MCC: variants seen among roughly 807,000 people sequenced by gnomAD.
MCC encodes colorectal mutant cancer protein.
MCC carries 90 observed loss-of-function variants against 116.2 expected under a neutral mutation model. That is an observed-to-expected ratio of 0.77 (90% CI 0.65 to 0.92). The LOEUF is 0.92. Ranked by LOEUF, MCC falls within the 40% of genes least tolerant of loss-of-function variation. MCC has a pLI of 0.00. For synonymous variants in MCC, 578 were observed against 510.5 expected (o/e 1.13, Z -1.78); for missense variants, 1,516 against 1,312.2 (o/e 1.16, Z -2.40).
At chr5:113,075,822 C>T (rs1396065754) in intron 11 of MCC, among the ~76,000 whole-genome samples, 1 of 152,162 alleles carries the variant, frequency 6.6e-6, no homozygotes, top group Non-Finnish European at 1.5e-5. Context: ...CTCTTTGGGT[C>T]CGCGCCACCT....
chr5:113,150,766 C>T (rs1418333458), intron 4 of MCC, among the ~76,000 whole-genome samples: 2 of 151,938 alleles, frequency 1.3e-5, no homozygotes, highest in African/African-American at 4.8e-5. Flanking sequence ...TTAATATTAA[C>T]AAGATAATTA....
At chr5:113,422,411 T>G (rs914990211) in intron 1 of MCC, among the ~76,000 whole-genome samples, 1 of 151,192 alleles carries the variant, frequency 6.6e-6, no homozygotes, top group African/African-American at 2.4e-5. Flanking sequence ...GTTTACAAGC[T>G]TCTATGATTT....
intron 1 of MCC, among the ~76,000 whole-genome samples, chr5:113,413,278 GTCC>G (rs1280731575): frequency 3.9e-4 from 59 of 152,316 alleles, no homozygotes; most frequent in Admixed American, 1.6e-3. Context: ...GAATGATGCT[GTCC>G]TCATAAAATG....
chr5:113,320,174 A>G (rs909692328), intron 3 of MCC, among the ~76,000 whole-genome samples: 5 of 152,180 alleles, frequency 3.3e-5, no homozygotes, highest in African/African-American at 1.2e-4. Flanking sequence ...CAAAAATTCA[A>G]CCAGTATCCT....
At chr5:113,041,073 C>A (rs1164895190) in intron 17 of MCC, among the ~76,000 whole-genome samples, 2 of 152,186 alleles carry the variant, frequency 1.3e-5, no homozygotes, top group Non-Finnish European at 2.9e-5. Context: ...TTTCTCTTCC[C>A]GCCCCAAGCA....
chr5:113,449,331 C>T (rs1468155649), intron 1 of MCC, among the ~76,000 whole-genome samples: 3 of 152,074 alleles, frequency 2.0e-5, no homozygotes, highest in African/African-American at 7.2e-5. Context: ...AAAAGGTCTT[C>T]CTGTATATAT....
At chr5:113,118,616 T>A (rs1005279224) in intron 6 of MCC, among the ~76,000 whole-genome samples, 27 of 152,310 alleles carry the variant, frequency 1.8e-4, no homozygotes, top group African/African-American at 6.5e-4. Context: ...CTGCAGCAAA[T>A]TCTGCAGCTC....
intron 3 of MCC, among the ~76,000 whole-genome samples, chr5:113,287,234 AC>A (rs1766298395): frequency 6.8e-6 from 1 of 146,502 alleles, no homozygotes; most frequent in South Asian, 2.1e-4. Context: ...GCCAACACAA[AC>A]CCCTCCTCTC....
chr5:113,416,261 C>T (rs1770144105), intron 1 of MCC, among the ~76,000 whole-genome samples: 1 of 152,174 alleles, frequency 6.6e-6, no homozygotes, highest in Admixed American at 6.5e-5. Flanking sequence ...TTCATTTAAA[C>T]AATGTTGGAG....
intron 3 of MCC, among the ~76,000 whole-genome samples, chr5:113,180,095 G>A (rs1023267586): frequency 3.9e-5 from 6 of 152,068 alleles, no homozygotes; most frequent in East Asian, 3.9e-4. Context: ...CTCCTCCCCC[G>A]ATTTTAGGAA....
chr5:113,290,868 TA>T (rs200935005), intron 3 of MCC, among the ~76,000 whole-genome samples: 11 of 151,490 alleles, frequency 7.3e-5, no homozygotes, highest in African/African-American at 2.2e-4. Flanking sequence ...ATCTCAATTT[TA>T]AAAAAAAATC....
chr5:113,205,877 A>G (rs1222152202), intron 3 of MCC, among the ~76,000 whole-genome samples: 1 of 152,202 alleles, frequency 6.6e-6, no homozygotes, highest in Non-Finnish European at 1.5e-5. Flanking sequence ...CGCAGTGCAT[A>G]GACCAGCTTT....
chr5:113,431,172 G>A (rs1381338820), intron 1 of MCC, among the ~76,000 whole-genome samples: 1 of 152,106 alleles, frequency 6.6e-6, no homozygotes, highest in Non-Finnish European at 1.5e-5. Flanking sequence ...TTATGGGAGA[G>A]AGTTGAGAAG....
chr5:113,294,182 A>G (rs1467376912), intron 3 of MCC: 2 of 993,718 alleles, frequency 2.0e-6, no homozygotes, highest in South Asian at 3.5e-5. Flanking sequence ...CAAGATCCAG[A>G]AAATCTACTA....
chr5:113,399,509 G>C (rs550154060), intron 1 of MCC, among the ~76,000 whole-genome samples: 1 of 151,858 alleles, frequency 6.6e-6, no homozygotes. Context: ...ATAAATAAAA[G>C]TCAGTTATTA....
chr5:113,282,550 T>C (rs1036012220), intron 3 of MCC, among the ~76,000 whole-genome samples: 1 of 152,162 alleles, frequency 6.6e-6, no homozygotes, highest in Non-Finnish European at 1.5e-5. Context: ...AGAGAGAGGA[T>C]ACCAAATTTG....
Position 113,366,656 on chromosome 5 carries a change from G to A in MCC, c.415+18312C>T, listed in dbSNP as rs1768695777. 2.0e-5 allele frequency among the ~76,000 whole-genome samples: 3 copies of A among 152,246 alleles called. No homozygotes were observed. The South Asian group carries it at 6.2e-4, about 32-fold the overall frequency. On this transcript the variant is annotated intron_variant, in intron 2 of 18. Transcript: ENST00000408903. ...GGTCATGTAATTTTTATGAGGTTCA[G>A]ACAATAAGTAAGAGTGGCTTGGTGT...
At chr5:113,319,315 C>T (rs553577811) in intron 3 of MCC, among the ~76,000 whole-genome samples, 9 of 152,176 alleles carry the variant, frequency 5.9e-5, no homozygotes, top group African/African-American at 1.4e-4. Flanking sequence ...AAGAGAGCTC[C>T]GAGAAGCAGA....
At chr5:113,252,354 G>C (rs988291896) in intron 3 of MCC, among the ~76,000 whole-genome samples, 1 of 152,154 alleles carries the variant, frequency 6.6e-6, no homozygotes, top group Non-Finnish European at 1.5e-5. Flanking sequence ...CACTAACTGA[G>C]CTCTGCCTTC....
Sources: allele counts gnomAD v4.1 joint callset (sites outside exome capture counted in the v4.1 genomes callset), GRCh38; gene constraint gnomAD v4.1.1; transcripts MANE v1.5; gene names NCBI Gene and HGNC (gene_info 2026-07-23, HGNC 2026-07-21).